The following ADNP variants were observed in gnomAD, a reference collection of about 807,000 sequenced individuals.
The protein encoded by ADNP is activity dependent neuroprotector homeobox, also known as activity-dependent neuroprotector homeobox protein.
ADNP carries 4 observed loss-of-function variants against 84.9 expected under a neutral mutation model. The ratio of observed to expected loss-of-function variants is 0.05; its 90% CI spans 0.02 to 0.11. The LOEUF (loss-of-function observed/expected upper bound fraction) is 0.11, where lower values mean the gene tolerates loss of function less well. ADNP is among the 10% of genes least tolerant of loss of function. The probability of loss-of-function intolerance (pLI) is 1.00; values close to 1 mark genes in which losing one functional copy is unlikely to be tolerated. For synonymous variants in ADNP, 554 were observed against 468.1 expected, an observed-to-expected ratio of 1.18 and a Z score of -2.37; for missense variants, 1,132 against 1,326.0, an observed-to-expected ratio of 0.85 and a Z score of 2.27.
At position 50,917,392 on chromosome 20, in the gene ADNP, C is replaced by T. The variant is rs139904654; in HGVS notation, c.-90+11259G>A. Among the ~76,000 whole-genome samples, 4 of 152,338 alleles carry T rather than the reference C, an allele frequency of 2.6e-5. No homozygotes were observed. The East Asian group carries it at 7.7e-4, about 29-fold the overall frequency. On this transcript the variant is annotated intron_variant, in intron 2 of 5. Coordinates refer to ENST00000621696, the MANE Select transcript of ADNP (RefSeq NM_001282531.3). ...TTGTCTTAAATCACTCTTACCATCA[C>T]CATGGAGGCCAAGAGTCACTAGATA...
intron 2 of ADNP, among the ~76,000 whole-genome samples, chr20:50,920,378 T>C (rs1457707392): frequency 6.6e-6 from 1 of 151,012 alleles, no homozygotes; most frequent in African/African-American, 2.4e-5. Flanking sequence ...GTCAGGAGTT[T>C]GAGACAAGCC....
rs1333131113 is a variant in ADNP, at chr20:50,893,184, A to G, written c.1530T>C (p.His510=). The change falls in exon 6 of 6, where the codon CAT becomes CAC. Residue 510 remains histidine (H), a synonymous_variant. Coordinates refer to ENST00000621696, the MANE Select transcript of ADNP (RefSeq NM_001282531.3). This position sits in a 1 kb window ranked among gnomAD's most constrained non-coding sequence, Gnocchi z 4.4. ...TDTLLNHMLI[H]GLSCPYCRST... ...AACGGCAATATGGACAAGACAGACC[A>G]TGAATTAACATATGGTTGAGCAGAG... 1.2e-6 allele frequency: 2 copies of G among 1,614,138 alleles called. No homozygotes were observed. The highest frequency in any genetic ancestry group is 4.5e-5 in the East Asian group (2 of 44,908).
In ADNP at chr20:50,892,045, C is replaced by A. The variant is rs778969303; in HGVS notation, c.2669G>T (p.Gly890Val). ...TTCAAAAACAGGGTCAAAAGGGCTA[C>A]CACTTTCATTGGATTCTTCTTCCAA... Reference protein sequence around the residue: ...ENLEEESNESGSPFDPVFEVE... With the variant: ...ENLEEESNESVSPFDPVFEVE... The change falls in exon 6 of 6, where the codon GGT becomes GTT. Residue 890 changes from glycine (G) to valine (V), a missense_variant. Around this residue, in one of 10 missense-constraint regions of ADNP, gnomAD observed 381 missense variants for 319.9 expected, o/e 1.19. Transcript: ENST00000621696. The A allele has an allele frequency of 6.2e-7, 1 of 1,614,174 alleles. No individual in the cohort carries two copies. Among genetic ancestry groups the A allele is most frequent in the Admixed American group, 1.7e-5 (1 of 60,026 alleles).
At chr20:50,907,634 G>A (rs1417446119) in intron 2 of ADNP, among the ~76,000 whole-genome samples, 1 of 150,778 alleles carries the variant, frequency 6.6e-6, no homozygotes, top group Non-Finnish European at 1.5e-5. Flanking sequence ...CCAGGCTGGA[G>A]TGTAGTGGTG....
intron 2 of ADNP, among the ~76,000 whole-genome samples, chr20:50,921,721 G>A (rs879791678): frequency 2.0e-5 from 3 of 152,214 alleles, no homozygotes; most frequent in Non-Finnish European, 2.9e-5. Flanking sequence ...GGAAGATGAT[G>A]CCTGAGGGAC....
Position 50,892,591 on chromosome 20 carries a change from T to C in ADNP, c.2123A>G (p.Gln708Arg). 1 of 1,614,244 alleles carries C rather than the reference T, an allele frequency of 6.2e-7. No homozygotes were observed. ...DKTNAPSRLNQSPSLAPVKRT... is the reference protein window; with the variant it reads ...DKTNAPSRLNRSPSLAPVKRT... Reference sequence around the variant, plus strand: ...CTTCACAGGTGCCAGACTTGGAGACTGATTAAGCCGAGAGGGTGCATTTGT... The same window carrying C: ...CTTCACAGGTGCCAGACTTGGAGACCGATTAAGCCGAGAGGGTGCATTTGT... Residue 708 changes from glutamine to arginine, a missense_variant, in exon 6 of 6, where the codon CAG becomes CGG. Coordinates refer to ENST00000621696, the MANE Select transcript of ADNP (RefSeq NM_001282531.3).
chr20:50,923,922 A>G (rs1040522983), intron 2 of ADNP, among the ~76,000 whole-genome samples: 2 of 152,218 alleles, frequency 1.3e-5, no homozygotes, highest in Admixed American at 6.5e-5. Context: ...AAGAGCAAGG[A>G]TTCTGTCAAC....
At chr20:50,915,893 A>T (rs1983473428) in intron 2 of ADNP, among the ~76,000 whole-genome samples, 1 of 151,340 alleles carries the variant, frequency 6.6e-6, no homozygotes. Context: ...AATGAACATC[A>T]ATTATATTGC....
At chr20:50,901,135 C>G (rs1269109430) in intron 5 of ADNP, among the ~76,000 whole-genome samples, 2 of 151,882 alleles carry the variant, frequency 1.3e-5, no homozygotes, top group Non-Finnish European at 2.9e-5. Flanking sequence ...TCCCTAGAAA[C>G]CTACTTGTTT....
intron 2 of ADNP, among the ~76,000 whole-genome samples, chr20:50,919,459 G>GT (rs890442874): frequency 6.6e-6 from 1 of 151,910 alleles, no homozygotes; most frequent in Non-Finnish European, 1.5e-5. Context: ...TGGAACTTTG[G>GT]TTTTTTTCCC....
chr20:50,901,022 A>G (rs1415484017), intron 5 of ADNP, among the ~76,000 whole-genome samples: 1 of 152,228 alleles, frequency 6.6e-6, no homozygotes, highest in Admixed American at 6.5e-5. Context: ...GAATATACTG[A>G]TATCAAAGAG....
intron 5 of ADNP, among the ~76,000 whole-genome samples, chr20:50,901,479 GAAGGAA>G (rs1981978969): frequency 6.6e-6 from 1 of 152,094 alleles, no homozygotes; most frequent in South Asian, 2.1e-4. Flanking sequence ...TCTCTATGCA[GAAGGAA>G]ATATCACCTA....
At chr20:50,911,146 T>C (rs1486283103) in intron 2 of ADNP, among the ~76,000 whole-genome samples, 1 of 152,226 alleles carries the variant, frequency 6.6e-6, no homozygotes, top group Non-Finnish European at 1.5e-5. Flanking sequence ...CTAAGATTCA[T>C]CTAGGCCCTA....
rs1980472402 is a variant in ADNP at position 50,889,837 on chromosome 20, G to A, written c.*1568C>T. 1 of 398,530 alleles carries A rather than the reference G, an allele frequency of 2.5e-6. No individual in the cohort carries two copies. 24.7% of individuals were successfully genotyped at this position (398,530 alleles called of 1,614,324 possible). On this transcript the variant is annotated 3_prime_UTR_variant, in exon 6 of 6. Transcript: ENST00000621696. ...TCCTTCCATCTTTACAGCCCTGTCAGTGCTGTGCTCTTCAAAGCCTTTCCC... is the reference window on the plus strand; with the variant it reads ...TCCTTCCATCTTTACAGCCCTGTCAATGCTGTGCTCTTCAAAGCCTTTCCC...
At chr20:50,899,346 G>A (rs950084635) in intron 5 of ADNP, among the ~76,000 whole-genome samples, 3 of 151,938 alleles carry the variant, frequency 2.0e-5, no homozygotes, top group African/African-American at 4.8e-5. Flanking sequence ...CAGTAGCTGG[G>A]ATTACAGGCA....
chr20:50,918,675 T>C (rs1188487865), intron 2 of ADNP, among the ~76,000 whole-genome samples: 1 of 152,212 alleles, frequency 6.6e-6, no homozygotes, highest in Non-Finnish European at 1.5e-5. Flanking sequence ...TTTTGCAAAC[T>C]TGAGCATGTG....
intron 2 of ADNP, among the ~76,000 whole-genome samples, chr20:50,926,647 C>G (rs1326774561): frequency 2.6e-5 from 4 of 152,108 alleles, no homozygotes; most frequent in African/African-American, 9.7e-5. Context: ...AATAATATGA[C>G]AATCATTTCC....
chr20:50,904,653 A>C (rs911430589), intron 3 of ADNP, 113 bp downstream of exon 3: 5 of 152,248 alleles, frequency 3.3e-5, no homozygotes, highest in African/African-American at 1.2e-4. Context: ...ACAGTTCAGT[A>C]ATGAACTTCA....
At chr20:50,919,305 A>ATATATATATATATATATATG (rs1168718295) in intron 2 of ADNP, among the ~76,000 whole-genome samples, 18 of 136,884 alleles carry the variant, frequency 1.3e-4, no homozygotes, top group African/African-American at 5.5e-4. Flanking sequence ...ATATATATAT[A>ATATATATATATATATATATG]TATATATATA....
Sources: gnomAD v4.1 joint callset for allele counts (sites outside exome capture counted in the v4.1 genomes callset) on GRCh38, gnomAD v4.1.1 for gene constraint, gnomAD v4.1.1 regional missense constraint, Gnocchi (gnomAD v3.1) non-coding constraint, MANE v1.5 for transcripts, NCBI Gene and HGNC (gene_info 2026-07-23, HGNC 2026-07-21) for gene names.